Variants in SPPL3 observed in about 807,000 individuals in gnomAD.
SPPL3 encodes signal peptide peptidase like 3.
SPPL3 carries 5 observed loss-of-function variants against 42.4 expected under a neutral mutation model. That is an observed-to-expected ratio of 0.12 (90% CI 0.06 to 0.25). The LOEUF is 0.25. Ranked by LOEUF, SPPL3 falls within the 10% of genes least tolerant of loss-of-function variation. The probability of loss-of-function intolerance (pLI) is 1.00; values close to 1 mark genes in which losing one functional copy is unlikely to be tolerated. For synonymous variants in SPPL3, 195 were observed against 181.8 expected (o/e 1.07, Z -0.58); for missense variants, 235 against 489.0 (o/e 0.48, Z 4.90).
intron 2 of SPPL3, among the ~76,000 whole-genome samples, chr12:120,797,177 A>C (rs954748532): frequency 1.3e-5 from 2 of 152,134 alleles, no homozygotes; most frequent in African/African-American, 4.8e-5. Context: ...AAAACAAACA[A>C]ACAAAAAACA....
At chr12:120,819,197 G>A (rs1356469512) in intron 1 of SPPL3, among the ~76,000 whole-genome samples, 1 of 152,160 alleles carries the variant, frequency 6.6e-6, no homozygotes, top group Non-Finnish European at 1.5e-5. Context: ...ACTGCAATGT[G>A]GAATTTGAAA....
At chr12:120,835,601 T>C (rs1770942465) in intron 1 of SPPL3, 1 of 152,214 alleles carries the variant, frequency 6.6e-6, no homozygotes, top group Admixed American at 6.5e-5. Flanking sequence ...GAAAAACTCT[T>C]CTCCCTCTTA....
rs1872683044 is a variant in SPPL3 at position 120,863,829 on chromosome 12, CTTTCTTTTTCTTTTCT to C, written c.23+40000_23+40015del. ...GCTTTTTTTTTTTTTTTTCTTGTAGCTTTCTTTTTCTTTTCTTTTCTTTTTTTCTTGCAGAGATGGA... is the reference window on the plus strand; with the variant it reads ...GCTTTTTTTTTTTTTTTTCTTGTAGCTTTCTTTTTTTCTTGCAGAGATGGA... On this transcript the variant is annotated intron_variant, in intron 1 of 10. Transcript: ENST00000353487. 2.8e-5 allele frequency among the ~76,000 whole-genome samples: 4 copies of C among 142,548 alleles called. No individual in the cohort carries two copies. The South Asian group carries it at 8.8e-4, about 32-fold the overall frequency. 93.5% of individuals were successfully genotyped at this position (142,548 alleles called of 152,430 possible). A position where few individuals can be genotyped will look rare whatever the true frequency, so the allele number is the denominator to read the frequency against.
rs146391802 is a variant in SPPL3 at position 120,769,400 on chromosome 12, C to T, written c.503-341G>A. 238 of 202,736 alleles carry T rather than the reference C, an allele frequency of 1.2e-3. 2 individuals carry two copies. In the East Asian group the frequency reaches 0.024, roughly 21 times the overall value. The allele number at this position is 202,736 out of a possible 1,614,324, so 12.6% of individuals were successfully genotyped here. On this transcript the variant is annotated intron_variant, in intron 6 of 10. Transcript: ENST00000353487. ...TGCTCCCTGCTTTAAAGTGAACTCA[C>T]ACCCTAGATAGCACCCCCTTTCATT...
At chr12:120,799,720 G>A (rs749869648) in intron 2 of SPPL3, among the ~76,000 whole-genome samples, 4 of 152,128 alleles carry the variant, frequency 2.6e-5, no homozygotes, top group Non-Finnish European at 4.4e-5. Context: ...ATGGGTCACC[G>A]CTGCACAAAA....
intron 3 of SPPL3, among the ~76,000 whole-genome samples, chr12:120,787,793 T>C (rs540159892): frequency 1.1e-4 from 17 of 152,238 alleles, no homozygotes; most frequent in East Asian, 5.8e-4. Flanking sequence ...TATGTAGTTA[T>C]TTTTTTGTGT....
intron 1 of SPPL3, among the ~76,000 whole-genome samples, chr12:120,812,030 G>C (rs1441871481): frequency 2.0e-5 from 3 of 150,606 alleles, no homozygotes; most frequent in African/African-American, 7.3e-5. Flanking sequence ...CCTGGTGATT[G>C]TTTATGGGAA....
Position 120,896,988 on chromosome 12 carries a change from T to C in SPPL3, c.23+6857A>G, listed in dbSNP as rs530120901. ...CAGATGCCAAAAACAGCCAACTAAA[T>C]AAAACAGCACTTGGTTATCAACACT... On this transcript the variant is annotated intron_variant, in intron 1 of 10. Transcript: ENST00000353487. 7.2e-5 allele frequency among the ~76,000 whole-genome samples: 11 copies of C among 152,280 alleles called. No homozygotes were observed. The South Asian group carries it at 2.3e-3, about 32-fold the overall frequency.
chr12:120,844,706 T>A (rs1477826364), intron 1 of SPPL3, among the ~76,000 whole-genome samples: 1 of 151,918 alleles, frequency 6.6e-6, no homozygotes, highest in Non-Finnish European at 1.5e-5. Context: ...GTTTTTTTTT[T>A]AAGCAAAAGA....
chr12:120,821,443 T>G (rs1304431006), intron 1 of SPPL3, among the ~76,000 whole-genome samples: 1 of 152,212 alleles, frequency 6.6e-6, no homozygotes, highest in Non-Finnish European at 1.5e-5. Context: ...GGAAAGAAAT[T>G]AGGCAACTGG....
At chr12:120,894,910 G>T (rs916099786) in intron 1 of SPPL3, among the ~76,000 whole-genome samples, 1 of 151,988 alleles carries the variant, frequency 6.6e-6, no homozygotes, top group East Asian at 1.9e-4. Context: ...TCGTGCCACC[G>T]CACTCCAGCC....
chr12:120,823,746 T>A (rs1463386387), intron 1 of SPPL3, among the ~76,000 whole-genome samples: 1 of 152,238 alleles, frequency 6.6e-6, no homozygotes, highest in Non-Finnish European at 1.5e-5. Context: ...TGCCCAGCAC[T>A]GTCCTAAGAG....
intron 3 of SPPL3, among the ~76,000 whole-genome samples, chr12:120,788,418 C>A (rs117276741): frequency 1.3e-5 from 2 of 152,098 alleles, no homozygotes; most frequent in Admixed American, 1.3e-4. Flanking sequence ...CACCCTGCAG[C>A]GAGAAACTTT....
intron 1 of SPPL3, among the ~76,000 whole-genome samples, chr12:120,811,663 C>T (rs949074838): frequency 3.3e-5 from 5 of 152,130 alleles, no homozygotes; most frequent in Non-Finnish European, 7.3e-5. Context: ...AGGGATTTTC[C>T]TAAAACAAAT....
chr12:120,791,421 A>G lies in SPPL3; in HGVS notation c.190+48T>C, dbSNP rs763627776. 5 of 1,397,574 alleles carry G rather than the reference A, an allele frequency of 3.6e-6. No individual in the cohort carries two copies. In the East Asian group the frequency reaches 9.4e-5, roughly 26 times the overall value. The allele number at this position is 1,397,574 out of a possible 1,614,324, so 86.6% of individuals were successfully genotyped here. ...TAACTGGAGGTATAGAAACAGCCAA[A>G]TTAAGAAAACTATATGTACAGAAGT... On this transcript the variant is annotated intron_variant, in intron 3 of 10. Transcript: ENST00000353487.
intron 6 of SPPL3, among the ~76,000 whole-genome samples, chr12:120,771,168 T>G (rs900957551): frequency 6.6e-6 from 1 of 152,184 alleles, no homozygotes; most frequent in Non-Finnish European, 1.5e-5. Flanking sequence ...AAGGCAGGTT[T>G]TATGGGGCCC....
In SPPL3 at chr12:120,903,051, T is replaced by C. The variant is rs186316405; in HGVS notation, c.23+794A>G. Among the ~76,000 whole-genome samples the C allele has an allele frequency of 8.5e-5, 13 of 152,234 alleles. No homozygotes were observed. The East Asian group carries it at 2.3e-3, about 27-fold the overall frequency. On this transcript the variant is annotated intron_variant, in intron 1 of 10. Transcript: ENST00000353487. ...CCCTTAACGAGCTACTTACTAACTT[T>C]AAAAGCCCCACAGAAATGAACTTAA...
chr12:120,801,466 C>G (rs1870294364), intron 2 of SPPL3, among the ~76,000 whole-genome samples: 1 of 151,912 alleles, frequency 6.6e-6, no homozygotes, highest in South Asian at 2.1e-4. Context: ...GACTTTTGTG[C>G]ACATTAACAA....
chr12:120,882,036 GTAAGTT>G (rs1873301922), intron 1 of SPPL3, among the ~76,000 whole-genome samples: 1 of 151,972 alleles, frequency 6.6e-6, no homozygotes, highest in Non-Finnish European at 1.5e-5. Flanking sequence ...GAAAAAAGTC[GTAAGTT>G]TTAAAGTGTG....
Sources: gnomAD v4.1 joint callset for allele counts (sites outside exome capture counted in the v4.1 genomes callset) on GRCh38, gnomAD v4.1.1 for gene constraint, MANE v1.5 for transcripts, NCBI Gene and HGNC (gene_info 2026-07-23, HGNC 2026-07-21) for gene names.